ATRN: variants seen among roughly 807,000 people sequenced by gnomAD.
ATRN encodes the protein attractin.
ATRN carries 54 observed loss-of-function variants against 178.7 expected under a neutral mutation model. The observed-to-expected ratio is 0.30, with a 90% CI of 0.24 to 0.38. The LOEUF (loss-of-function observed/expected upper bound fraction) is 0.38. ATRN is among the 10% of genes least tolerant of loss of function. The probability of loss-of-function intolerance (pLI) is 1.00; values close to 1 mark genes in which losing one functional copy is unlikely to be tolerated. For missense variants in ATRN, 1,443 were observed against 1,815.1 expected (o/e 0.79, Z 3.73); for synonymous variants, 636 against 663.0 (o/e 0.96, Z 0.63).
chr20:3,622,057 G>T (rs879418308), intron 24 of ATRN, among the ~76,000 whole-genome samples: 2 of 152,204 alleles, frequency 1.3e-5, no homozygotes, highest in Non-Finnish European at 2.9e-5. Context: ...TTTTCCATAA[G>T]TAAGTGTACA....
chr20:3,479,946 A>G (rs2084596336), intron 1 of ATRN, among the ~76,000 whole-genome samples: 1 of 152,222 alleles, frequency 6.6e-6, no homozygotes, highest in South Asian at 2.1e-4. Context: ...GCATCTGCCA[A>G]GACCCTGTTT....
At chr20:3,495,516 T>G (rs1034758409) in intron 1 of ATRN, among the ~76,000 whole-genome samples, 3 of 152,122 alleles carry the variant, frequency 2.0e-5, no homozygotes, top group African/African-American at 7.3e-5. Context: ...TTAACCTTTT[T>G]GTTTAAAGCT....
chr20:3,563,864 G>T (rs2085991394), intron 10 of ATRN, among the ~76,000 whole-genome samples: 1 of 152,136 alleles, frequency 6.6e-6, no homozygotes, highest in South Asian at 2.1e-4. Context: ...TTATTTTTTT[G>T]ATTGTGGTAA....
intron 1 of ATRN, among the ~76,000 whole-genome samples, chr20:3,531,802 A>G (rs1600080728): frequency 7.3e-6 from 1 of 136,888 alleles, no homozygotes; most frequent in Admixed American, 6.8e-5. Context: ...GGTTAAAACA[A>G]CAACAACAAC....
At chr20:3,626,019 C>G (rs2086935810) in intron 25 of ATRN, among the ~76,000 whole-genome samples, 1 of 151,998 alleles carries the variant, frequency 6.6e-6, no homozygotes, top group Non-Finnish European at 1.5e-5. Context: ...GTCACTTGAG[C>G]TCAGGAGTTC....
Position 3,575,333 on chromosome 20 carries a change from G to T in ATRN, c.2093-494G>T, listed in dbSNP as rs145188515. Among the ~76,000 whole-genome samples the T allele has an allele frequency of 5.2e-3, 787 of 152,292 alleles. 5 individuals are homozygous for T. Among genetic ancestry groups the T allele is most frequent in the African/African-American group, 0.018 (760 of 41,550 alleles). On this transcript the variant is annotated intron_variant, in intron 12 of 28. Transcript: ENST00000262919. ...TAGTAGCCCAGAAATTCTCAGACTTGCACTCTTGAATTTACACGCATGTAC... is the reference window on the plus strand; with the variant it reads ...TAGTAGCCCAGAAATTCTCAGACTTTCACTCTTGAATTTACACGCATGTAC...
chr20:3,587,404 G>A (rs953977717), intron 18 of ATRN, among the ~76,000 whole-genome samples: 1 of 151,830 alleles, frequency 6.6e-6, no homozygotes, highest in African/African-American at 2.4e-5. Context: ...GTTAATTTTT[G>A]TGTATGGTGT....
At position 3,638,958 on chromosome 20, in the gene ATRN, C is replaced by T. The variant is rs1164394009; in HGVS notation, c.4050+23C>T. 6.3e-7 allele frequency: 1 copy of T among 1,592,330 alleles called. No homozygotes were observed. Among genetic ancestry groups the T allele is most frequent in the Non-Finnish European group, 8.6e-7 (1 of 1,165,826 alleles). On this transcript the variant is annotated intron_variant, in intron 27 of 28. Transcript: ENST00000262919. This position sits in a 1 kb window ranked among gnomAD's most constrained non-coding sequence, Gnocchi z 4.5. ...AAGGTGAGAATGTGACTCAGAAGTC[C>T]CTATAACTTGACTTTTTAAAACTTA...
chr20:3,591,144 C>T, intron 18 of ATRN, 25 bp from the exon 19 acceptor site: 1 of 1,612,266 alleles, frequency 6.2e-7, no homozygotes, highest in South Asian at 1.1e-5. Context: ...ATGGTACAGA[C>T]CCCTTGAAAC....
Position 3,594,463 on chromosome 20 carries a change from T to C in ATRN, c.3323-16T>C. Reference sequence around the variant, plus strand: ...TTAAGCCAGTTGTGACCTCTGTTCCTTTTTCTTCTCTGCAGCATGCAAGTG... The same window carrying C: ...TTAAGCCAGTTGTGACCTCTGTTCCCTTTTCTTCTCTGCAGCATGCAAGTG... On this transcript the variant is annotated splice_polypyrimidine_tract_variant and intron_variant, in intron 19 of 28. Coordinates refer to ENST00000262919, the MANE Select transcript of ATRN (RefSeq NM_139321.3). The C allele has an allele frequency of 1.3e-6, 2 of 1,581,132 alleles. No homozygotes were observed. Among genetic ancestry groups the C allele is most frequent in the Non-Finnish European group, 1.7e-6 (2 of 1,158,544 alleles).
chr20:3,626,855 T>G (rs1164687791), intron 25 of ATRN, among the ~76,000 whole-genome samples: 1 of 145,850 alleles, frequency 6.9e-6, no homozygotes, highest in Non-Finnish European at 1.5e-5. Flanking sequence ...TGATCTTGGC[T>G]CACTGCAAGC....
At chr20:3,599,533 A>G (rs779704345) in intron 22 of ATRN, among the ~76,000 whole-genome samples, 34 of 152,206 alleles carry the variant, frequency 2.2e-4, no homozygotes, top group Non-Finnish European at 1.6e-4. Context: ...GGAAAGACAT[A>G]TAGTTGACCC....
intron 1 of ATRN, among the ~76,000 whole-genome samples, chr20:3,487,874 T>G (rs1444681646): frequency 6.6e-6 from 1 of 152,200 alleles, no homozygotes; most frequent in Non-Finnish European, 1.5e-5. Context: ...GTTGCTTTTC[T>G]GTGCCTAAGA....
Position 3,549,617 on chromosome 20 carries a change from G to T in ATRN, c.1112+279G>T, listed in dbSNP as rs539257459. Reference sequence around the variant, plus strand: ...TGTAGTAAGTTCTATATAAGTAGGGGATTATTTTATCTTTTAATTTAATTA... The same window carrying T: ...TGTAGTAAGTTCTATATAAGTAGGGTATTATTTTATCTTTTAATTTAATTA... On this transcript the variant is annotated intron_variant, in intron 6 of 28. Transcript: ENST00000262919. 2.6e-5 allele frequency among the ~76,000 whole-genome samples: 4 copies of T among 152,280 alleles called. No homozygotes were observed. In the South Asian group the frequency reaches 8.3e-4, roughly 32 times the overall value.
In ATRN at chr20:3,540,335, G is replaced by A; in HGVS notation, c.608G>A (p.Ser203Asn). ...SIYAPLVAAF[S>N]GLIVPERDGN... ...TATGCACCGCTAGTTGCTGCATTTA[G>A]GTAAGCTCAGTCTTACAAGCCTTCT... The change falls in exon 3 of 29, where the codon AGT becomes AAT. Residue 203 changes from serine (S) to asparagine (N), a missense_variant and splice_region_variant. By Grantham distance (46) the Ser-to-Asn change is conservative. This residue lies in a region of ATRN where 862 missense variants were observed against 972.1 expected (regional missense o/e 0.89). Transcript: ENST00000262919. The A allele has an allele frequency of 6.4e-7, 1 of 1,564,066 alleles. No homozygotes were observed. The highest frequency in any genetic ancestry group is 8.8e-7 in the Non-Finnish European group (1 of 1,141,818).
At chr20:3,578,449 T>G (rs1271087110) in intron 14 of ATRN, 133 bp from the exon 15 acceptor site, 1 of 736,524 alleles carries the variant, frequency 1.4e-6, no homozygotes, top group African/African-American at 1.8e-5. Flanking sequence ...TGTCAGAGGC[T>G]CCCACATCCT....
chr20:3,545,702 C>G, intron 3 of ATRN, 60 bp from the exon 4 acceptor site: 1 of 1,570,808 alleles, frequency 6.4e-7, no homozygotes, highest in Non-Finnish European at 8.6e-7. Context: ...TTTCTGTCTG[C>G]TACAATTTGA....
intron 11 of ATRN, among the ~76,000 whole-genome samples, chr20:3,570,746 A>T (rs1238656996): frequency 1.3e-5 from 2 of 152,124 alleles, no homozygotes; most frequent in Admixed American, 1.3e-4. Flanking sequence ...ACATTTCTTC[A>T]TCCAGACATG....
At chr20:3,531,659 A>G (rs1261908530) in intron 1 of ATRN, among the ~76,000 whole-genome samples, 1 of 152,254 alleles carries the variant, frequency 6.6e-6, no homozygotes, top group East Asian at 1.9e-4. Flanking sequence ...TAATTTGTGT[A>G]ACCAAAAAAT....
Sources: gnomAD v4.1 joint callset for allele counts (sites outside exome capture counted in the v4.1 genomes callset) on GRCh38, gnomAD v4.1.1 for gene constraint, gnomAD v4.1.1 regional missense constraint, Gnocchi (gnomAD v3.1) non-coding constraint, MANE v1.5 for transcripts, NCBI Gene and HGNC (gene_info 2026-07-23, HGNC 2026-07-21) for gene names.